Variants in HEBP1 observed in about 807,000 individuals in gnomAD.
HEBP1 encodes heme binding protein 1, also known as heme-binding protein 1.
Under a neutral mutation model 20.4 loss-of-function variants are expected in HEBP1, and 13 were observed. The ratio of observed to expected loss-of-function variants is 0.64; its 90% CI spans 0.42 to 1.01. The LOEUF is 1.01. HEBP1 is among the 50% of genes least tolerant of loss of function. The probability of loss-of-function intolerance (pLI) is 0.00; values close to 1 mark genes in which losing one functional copy is unlikely to be tolerated. For synonymous variants in HEBP1, 92 were observed against 90.7 expected, an observed-to-expected ratio of 1.01 and a Z score of -0.08; for missense variants, 241 against 247.3, an observed-to-expected ratio of 0.97 and a Z score of 0.17.
At chr12:12,978,581 A>G (rs1864031905) in intron 3 of HEBP1, among the ~76,000 whole-genome samples, 1 of 152,128 alleles carries the variant, frequency 6.6e-6, no homozygotes, top group African/African-American at 2.4e-5. Context: ...GTGGAGGGAC[A>G]GGGGAAATGG....
rs924435023 is a variant in HEBP1 at position 12,996,234 on chromosome 12, C to T, written c.78+3803G>A. ...GGAACAAGAGGTTAAGTAACATGCC[C>T]AAACTGCAGCGGGTGAATAGTGGAG... On this transcript the variant is annotated intron_variant, in intron 1 of 3. Transcript: ENST00000014930. This position sits in a 1 kb window ranked among gnomAD's most constrained non-coding sequence, Gnocchi z 4.1. Among the ~76,000 whole-genome samples, 2 of 152,176 alleles carry T rather than the reference C, an allele frequency of 1.3e-5. No homozygotes were observed. Among genetic ancestry groups the T allele is most frequent in the Non-Finnish European group, 2.9e-5 (2 of 68,034 alleles).
chr12:12,978,093 A>G (rs1230027001), intron 3 of HEBP1, among the ~76,000 whole-genome samples: 1 of 152,040 alleles, frequency 6.6e-6, no homozygotes, highest in Non-Finnish European at 1.5e-5. Context: ...AGTGGTGGGA[A>G]CTGAAACAGG....
chr12:12,977,194 A>T (rs796784798), intron 3 of HEBP1, among the ~76,000 whole-genome samples: 1 of 152,296 alleles, frequency 6.6e-6, no homozygotes, highest in South Asian at 2.1e-4. Flanking sequence ...AATTTCTCAA[A>T]TCTTCAGGTT....
In HEBP1 at chr12:12,975,387, T is replaced by TC. The variant is rs768817195; in HGVS notation, c.490dup (p.Asp164GlyfsTer9). ...GTCATAACCCGTGCAGAAGTAGATG[T>TC]CCCCCCGGTAGGTGGCTGTGCCCTC... On this transcript the variant is annotated frameshift_variant, in exon 4 of 4. Transcript: ENST00000014930. LOFTEE classifies it high-confidence loss of function. The TC allele has an allele frequency of 1.9e-5, 30 of 1,613,712 alleles. No homozygotes were observed. In the South Asian group the frequency reaches 2.4e-4, roughly 13 times the overall value.
At chr12:12,991,137 T>G (rs1251319659) in intron 1 of HEBP1, among the ~76,000 whole-genome samples, 1 of 152,208 alleles carries the variant, frequency 6.6e-6, no homozygotes, top group Non-Finnish European at 1.5e-5. Context: ...TCCATTACAA[T>G]TCCCCTGTCT....
intron 1 of HEBP1, among the ~76,000 whole-genome samples, chr12:12,991,615 A>G (rs1864226968): frequency 6.6e-6 from 1 of 152,204 alleles, no homozygotes; most frequent in South Asian, 2.1e-4. Flanking sequence ...ATTCCTGGAC[A>G]TACTGTAAGG....
At chr12:12,997,676 C>T (rs926357930) in intron 1 of HEBP1, among the ~76,000 whole-genome samples, 1 of 152,214 alleles carries the variant, frequency 6.6e-6, no homozygotes, top group Non-Finnish European at 1.5e-5. Flanking sequence ...TTCCACTCCA[C>T]AGGAAGACAG....
At chr12:12,992,604 A>T (rs1414222963) in intron 1 of HEBP1, among the ~76,000 whole-genome samples, 1 of 152,232 alleles carries the variant, frequency 6.6e-6, no homozygotes, top group Non-Finnish European at 1.5e-5. Flanking sequence ...TGAGGCAGCA[A>T]GTCAGCCTTG....
At chr12:12,978,771 A>G (rs864061) in intron 3 of HEBP1, among the ~76,000 whole-genome samples, 73,473 of 151,938 alleles carry the variant, frequency 0.48, 19,379 homozygotes, top group South Asian at 0.63. Context: ...GATGCCGCTA[A>G]CCAGAATAGG....
At chr12:12,992,560 T>TG in intron 1 of HEBP1, among the ~76,000 whole-genome samples, 1 of 152,140 alleles carries the variant, frequency 6.6e-6, no homozygotes, top group Non-Finnish European at 1.5e-5. Flanking sequence ...CCCCTTCACA[T>TG]GGGGTAGAGG....
chr12:12,987,618 C>CTCTG (rs1243037194), intron 2 of HEBP1, among the ~76,000 whole-genome samples: 1 of 115,040 alleles, frequency 8.7e-6, no homozygotes, highest in African/African-American at 2.8e-5. Flanking sequence ...CTCTTTCTCT[C>CTCTG]TCTCTCTCTC....
chr12:12,987,590 TTC>T (rs145821079), intron 2 of HEBP1, among the ~76,000 whole-genome samples: 41 of 133,284 alleles, frequency 3.1e-4, no homozygotes, highest in South Asian at 9.9e-4. Context: ...ATCAGTCTCT[TTC>T]TCTCTCTCTC....
Position 12,987,184 on chromosome 12 carries a change from A to C in HEBP1, c.366T>G (p.Ile122Met). 2.5e-6 allele frequency: 4 copies of C among 1,614,090 alleles called. No individual in the cohort carries two copies. The highest frequency in any genetic ancestry group is 3.4e-6 in the Non-Finnish European group (4 of 1,179,974). The change falls in exon 3 of 4, where the codon ATT becomes ATG. Residue 122 changes from isoleucine (I) to methionine (M), a missense_variant. Coordinates refer to ENST00000014930, the MANE Select transcript of HEBP1 (RefSeq NM_015987.5). ...PPAPSDKSVK[I>M]EEREGITVYS... is the part of the protein sequence containing the mutation. Reference sequence around the variant, plus strand: ...AGACAGTGATGCCTTCCCGTTCCTCAATCTTAACGCTTTTGTCACTGGGAG... The same window carrying C: ...AGACAGTGATGCCTTCCCGTTCCTCCATCTTAACGCTTTTGTCACTGGGAG...
At chr12:12,997,786 G>C (rs559876264) in intron 1 of HEBP1, among the ~76,000 whole-genome samples, 74 of 152,324 alleles carry the variant, frequency 4.9e-4, no homozygotes, top group African/African-American at 1.7e-3. Context: ...AATCCAAAAA[G>C]ACAAAGTGAG....
intron 1 of HEBP1, among the ~76,000 whole-genome samples, chr12:12,990,101 G>A (rs950535791): frequency 6.8e-6 from 1 of 147,612 alleles, no homozygotes; most frequent in African/African-American, 2.5e-5. Flanking sequence ...CAAGCAAATA[G>A]TTGCTACTCT....
At chr12:12,985,147 GA>G (rs962932595) in intron 3 of HEBP1, among the ~76,000 whole-genome samples, 151 of 137,590 alleles carry the variant, frequency 1.1e-3, no homozygotes, top group Middle Eastern at 7.4e-3. Flanking sequence ...GACTCCGTTG[GA>G]AAAAAAAAAA....
At chr12:12,977,456 T>G (rs1246040064) in intron 3 of HEBP1, 1 of 152,282 alleles carries the variant, frequency 6.6e-6, no homozygotes, top group Non-Finnish European at 1.5e-5. Context: ...ATGCCTGTGG[T>G]CCCAGCTACT....
chr12:12,978,403 GT>G (rs1284959590), intron 3 of HEBP1, among the ~76,000 whole-genome samples: 2 of 151,632 alleles, frequency 1.3e-5, no homozygotes, highest in Admixed American at 1.3e-4. Flanking sequence ...GGGTTTTGCC[GT>G]ATTGGCCAGG....
intron 3 of HEBP1, 78 bp downstream of exon 3, chr12:12,987,074 A>T (rs577454317): frequency 1.2e-5 from 14 of 1,183,010 alleles, no homozygotes; most frequent in Middle Eastern, 2.1e-4. Context: ...TTTGACGCGA[A>T]TGCTTGCCAG....
Sources: gnomAD v4.1 joint callset for allele counts (sites outside exome capture counted in the v4.1 genomes callset) on GRCh38, gnomAD v4.1.1 for gene constraint, Gnocchi (gnomAD v3.1) non-coding constraint, MANE v1.5 for transcripts, NCBI Gene and HGNC (gene_info 2026-07-23, HGNC 2026-07-21) for gene names.